Variants in GRIN2A observed in about 807,000 individuals in gnomAD.
GRIN2A encodes glutamate receptor ionotropic, NMDA 2A.
A neutral mutation model predicts 113.4 loss-of-function variants in GRIN2A; 22 were observed. The ratio of observed to expected loss-of-function variants is 0.19; its 90% CI spans 0.14 to 0.28. The LOEUF (loss-of-function observed/expected upper bound fraction) is 0.28, where lower values mean the gene tolerates loss of function less well. Ranked by LOEUF, GRIN2A falls within the 10% of genes least tolerant of loss-of-function variation. The probability of loss-of-function intolerance (pLI) is 1.00; values close to 1 mark genes in which losing one functional copy is unlikely to be tolerated. For missense variants in GRIN2A, 1,502 were observed against 1,887.0 expected, an observed-to-expected ratio of 0.80 and a Z score of 3.78; for synonymous variants, 827 against 738.4, an observed-to-expected ratio of 1.12 and a Z score of -1.94.
At chr16:10,041,617 G>A (rs963563498) in intron 2 of GRIN2A, among the ~76,000 whole-genome samples, 1 of 152,106 alleles carries the variant, frequency 6.6e-6, no homozygotes, top group Non-Finnish European at 1.5e-5. Context: ...TTCTTCATCT[G>A]TAAAATGGGA....
At chr16:10,171,848 T>G (rs1327454694) in intron 2 of GRIN2A, among the ~76,000 whole-genome samples, 1 of 152,220 alleles carries the variant, frequency 6.6e-6, no homozygotes, top group South Asian at 2.1e-4. Context: ...AAGTGGATGC[T>G]ATTATTGTTC....
chr16:9,926,761 C>T (rs2044474674), intron 3 of GRIN2A, among the ~76,000 whole-genome samples: 1 of 152,136 alleles, frequency 6.6e-6, no homozygotes, highest in Non-Finnish European at 1.5e-5. Context: ...GCAGAGATGA[C>T]AGTCACTTCC....
intron 3 of GRIN2A, among the ~76,000 whole-genome samples, chr16:9,906,681 G>A (rs1231409086): frequency 6.6e-6 from 1 of 152,188 alleles, no homozygotes; most frequent in African/African-American, 2.4e-5. Flanking sequence ...AATATGGAAA[G>A]GAGAGGAAGA....
chr16:9,994,075 T>G (rs1163981503), intron 2 of GRIN2A, among the ~76,000 whole-genome samples: 1 of 152,200 alleles, frequency 6.6e-6, no homozygotes, highest in Non-Finnish European at 1.5e-5. Flanking sequence ...TCACCCTCCA[T>G]GTTATCATCT....
intron 2 of GRIN2A, among the ~76,000 whole-genome samples, chr16:10,040,065 T>C (rs796441819): frequency 0.023 from 78 of 3,384 alleles, no homozygotes; most frequent in South Asian, 0.055. Flanking sequence ...ATAAATACAC[T>C]ACACACATCC....
At chr16:10,130,313 G>A (rs764155697) in intron 2 of GRIN2A, among the ~76,000 whole-genome samples, 9 of 152,156 alleles carry the variant, frequency 5.9e-5, no homozygotes, top group Non-Finnish European at 1.0e-4. Context: ...CAAATTCAGG[G>A]CATACCACGT....
chr16:9,878,748 C>T (rs1302128507), intron 4 of GRIN2A, among the ~76,000 whole-genome samples: 1 of 152,014 alleles, frequency 6.6e-6, no homozygotes, highest in Non-Finnish European at 1.5e-5. Flanking sequence ...CAGAATGTTG[C>T]TCTGCAGGAG....
At chr16:10,040,591 AAAC>A (rs2047146192) in intron 2 of GRIN2A, among the ~76,000 whole-genome samples, 1 of 148,234 alleles carries the variant, frequency 6.7e-6, no homozygotes, top group Non-Finnish European at 1.5e-5. Context: ...CACACACACA[AAAC>A]ACACATCCAC....
chr16:9,884,188 A>C (rs1357897536), intron 4 of GRIN2A, among the ~76,000 whole-genome samples: 2 of 152,218 alleles, frequency 1.3e-5, no homozygotes, highest in Non-Finnish European at 2.9e-5. Flanking sequence ...AACTTAAACA[A>C]ATTTTTAAAA....
At chr16:9,788,372 C>G (rs1902365872) in intron 11 of GRIN2A, among the ~76,000 whole-genome samples, 1 of 151,926 alleles carries the variant, frequency 6.6e-6, no homozygotes, top group Non-Finnish European at 1.5e-5. Flanking sequence ...ATTCTCCTGC[C>G]TCAGCCTCCA....
chr16:9,771,699 A>G (rs1901284417), intron 11 of GRIN2A, among the ~76,000 whole-genome samples: 1 of 151,968 alleles, frequency 6.6e-6, no homozygotes, highest in South Asian at 2.1e-4. Flanking sequence ...TCTAAGCCCC[A>G]TGGGACTCCC....
intron 2 of GRIN2A, among the ~76,000 whole-genome samples, chr16:10,103,488 T>C (rs2048438718): frequency 6.6e-6 from 1 of 152,230 alleles, no homozygotes; most frequent in African/African-American, 2.4e-5. Flanking sequence ...AGGGTATTAC[T>C]AACCCCCAAA....
At chr16:10,135,830 C>A (rs1033816883) in intron 2 of GRIN2A, among the ~76,000 whole-genome samples, 1 of 152,090 alleles carries the variant, frequency 6.6e-6, no homozygotes, top group Non-Finnish European at 1.5e-5. Context: ...AGATAACCTC[C>A]CTTAAAGTCA....
At chr16:9,983,044 T>C (rs2045919373) in intron 2 of GRIN2A, among the ~76,000 whole-genome samples, 1 of 152,202 alleles carries the variant, frequency 6.6e-6, no homozygotes, top group African/African-American at 2.4e-5. Context: ...TCAATACATG[T>C]ATACAATGTG....
At position 9,763,191 on chromosome 16, in the gene GRIN2A, T is replaced by C. The variant is rs143693526; in HGVS notation, c.4353A>G (p.Arg1451=). The change falls in exon 13 of 13, where the codon AGA becomes AGG. Residue 1451 remains arginine, a synonymous_variant. Coordinates refer to ENST00000330684, the MANE Select transcript of GRIN2A (RefSeq NM_001134407.3). ...TACTAGGCATTTTCTTGTACACGCG[T>C]CTATTGCTGCAGGAATTTAAAACCC... ...TPRVLNSCSN[R]RVYKKMPSIE... The C allele has an allele frequency of 3.7e-6, 6 of 1,614,022 alleles. No homozygotes were observed. In the South Asian group the frequency reaches 5.5e-5, roughly 15 times the overall value.
intron 3 of GRIN2A, among the ~76,000 whole-genome samples, chr16:9,924,582 T>A (rs2044421084): frequency 6.6e-6 from 1 of 152,170 alleles, no homozygotes; most frequent in Admixed American, 6.5e-5. Context: ...GAACTGAGGG[T>A]TTATAGTTTT....
Position 9,849,765 on chromosome 16 carries a change from A to G in GRIN2A, c.1319T>C (p.Val440Ala), listed in dbSNP as rs750881842. Residue 440 changes from valine to alanine, a missense_variant, in exon 5 of 13, where the codon GTC (valine) becomes GCC (alanine). Val to Ala is a moderately conservative substitution (Grantham distance 64). Coordinates refer to ENST00000330684, the MANE Select transcript of GRIN2A (RefSeq NM_001134407.3). Reference sequence around the variant, plus strand: ...CATTCCTGCCACTCACTTGATTTTGACGAACTTCCGACATGGCACGGTGTT... The same window carrying G: ...CATTCCTGCCACTCACTTGATTTTGGCGAACTTCCGACATGGCACGGTGTT... ...VRNTVPCRKF[V>A]KINNSTNEGM... 1 of 1,613,776 alleles carries G rather than the reference A, an allele frequency of 6.2e-7. No individual in the cohort carries two copies.
At chr16:10,154,544 T>C (rs1462261544) in intron 2 of GRIN2A, among the ~76,000 whole-genome samples, 1 of 152,232 alleles carries the variant, frequency 6.6e-6, no homozygotes, top group Non-Finnish European at 1.5e-5. Flanking sequence ...TGCCCTGAAC[T>C]GTGTGCCTGG....
At position 9,758,126 on chromosome 16, in the gene GRIN2A, C is replaced by T. The variant is rs1900433970; in HGVS notation, c.*5023G>A. 4.7e-5 allele frequency: 10 copies of T among 214,932 alleles called. No homozygotes were observed. The Admixed American group carries it at 5.8e-4, about 13-fold the overall frequency. The allele number at this position is 214,932 out of a possible 1,614,324, so 13.3% of individuals were successfully genotyped here. On this transcript the variant is annotated 3_prime_UTR_variant, in exon 13 of 13. Transcript: ENST00000330684. The stretch of plus-strand genomic sequence containing the variant: ...CTCATCTCTCCTCCCCTTCTCCTAA[C>T]TTTTGGTGTGGTTCTACGAACTCTA...
Sources: gnomAD v4.1 joint callset for allele counts (sites outside exome capture counted in the v4.1 genomes callset) on GRCh38, gnomAD v4.1.1 for gene constraint, MANE v1.5 for transcripts, NCBI Gene and HGNC (gene_info 2026-07-23, HGNC 2026-07-21) for gene names.